The following PLA1A variants were observed in gnomAD, a reference collection of about 807,000 sequenced individuals.
The protein encoded by PLA1A is phospholipase A1 member A.
PLA1A carries 47 observed loss-of-function variants against 49.4 expected under a neutral mutation model. The ratio of observed to expected loss-of-function variants is 0.95; its 90% CI spans 0.75 to 1.21. PLA1A has a LOEUF of 1.21. Ranked by LOEUF, PLA1A falls within the 50% of genes most tolerant of loss-of-function variation. The pLI, the probability that PLA1A is intolerant of heterozygous loss-of-function variation, is 0.00. For synonymous variants in PLA1A, 224 were observed against 207.9 expected (o/e 1.08, Z -0.67); for missense variants, 561 against 563.9 (o/e 0.99, Z 0.05).
chr3:119,623,044 GT>G (rs2082967014), intron 8 of PLA1A, among the ~76,000 whole-genome samples: 2 of 152,170 alleles, frequency 1.3e-5, no homozygotes, highest in Non-Finnish European at 2.9e-5. Context: ...GGCCAGGCTG[GT>G]CTCGAACTCC....
rs759065787 is a variant in PLA1A, at chr3:119,606,848, A to G, written c.148A>G (p.Lys50Glu). 7 of 1,614,016 alleles carry G rather than the reference A, an allele frequency of 4.3e-6. No individual in the cohort carries two copies. The South Asian group carries it at 7.7e-5, about 18-fold the overall frequency. ...CAACCTTTTTGAAGGCACCGATCTC[A>G]AAGTCCAGTTTCTCCTCTTTGTCCC... ...SANLFEGTDL[K>E]VQFLLFVPSN... The change falls in exon 2 of 11, where the codon AAA becomes GAA. Residue 50 changes from lysine (K) to glutamate (E), a missense_variant. Physicochemically the swap from Lys to Glu is moderately conservative, Grantham distance 56. Transcript: ENST00000273371.
chr3:119,607,859 C>T (rs1406403247), intron 2 of PLA1A, among the ~76,000 whole-genome samples: 2 of 152,162 alleles, frequency 1.3e-5, no homozygotes, highest in Non-Finnish European at 2.9e-5. Context: ...CCCACAACCC[C>T]ATTCCCTGGC....
chr3:119,604,612 G>A (rs2082662214), intron 1 of PLA1A, among the ~76,000 whole-genome samples: 1 of 152,096 alleles, frequency 6.6e-6, no homozygotes, highest in Admixed American at 6.6e-5. Context: ...GCTGAGAAGG[G>A]GGAAGGAGTT....
At chr3:119,614,592 T>C (rs474926) in intron 5 of PLA1A, among the ~76,000 whole-genome samples, 37,270 of 132,884 alleles carry the variant, frequency 0.28, 6,433 homozygotes, top group African/African-American at 0.5. Context: ...GGTGACAGAG[T>C]GAGACTTCGT....
intron 5 of PLA1A, among the ~76,000 whole-genome samples, chr3:119,613,934 G>C (rs986825330): frequency 4.6e-5 from 7 of 151,948 alleles, no homozygotes; most frequent in Non-Finnish European, 1.5e-5. Flanking sequence ...ATAGTGACAG[G>C]CACAGGAAAG....
rs770755969 is a variant in PLA1A at position 119,606,749 on chromosome 3, C to CTTGTT, written c.74-12_74-8dup. On this transcript the variant is annotated intron_variant, in intron 1 of 10. Coordinates refer to ENST00000273371, the MANE Select transcript of PLA1A (RefSeq NM_015900.4). ...ACAGATGACCTCACCTTGGATGTTG[C>CTTGTT]TTGTTTTGTTTTGTTTTCCTCCAGG... 3.1e-6 allele frequency: 5 copies of CTTGTT among 1,594,294 alleles called. No homozygotes were observed. In the South Asian group the frequency reaches 3.3e-5, roughly 11 times the overall value.
At position 119,619,653 on chromosome 3, in the gene PLA1A, G is replaced by C. The variant is rs2082901650; in HGVS notation, c.1012+1G>C. ...ACTACTTCCAGTGCTCCGTACTGCA[G>C]TGAGTAGGGGGAAATGCATGAGCTC... On this transcript the variant is annotated splice_donor_variant, in intron 8 of 10. Coordinates refer to ENST00000273371, the MANE Select transcript of PLA1A (RefSeq NM_015900.4). LOFTEE classifies it high-confidence loss of function. The C allele has an allele frequency of 6.3e-7, 1 of 1,588,264 alleles. No homozygotes were observed. The highest frequency in any genetic ancestry group is 1.1e-5 in the South Asian group (1 of 90,602).
At position 119,618,168 on chromosome 3, in the gene PLA1A, C is replaced by T; in HGVS notation, c.904C>T (p.Leu302Phe). The change falls in exon 7 of 11, where the codon CTT becomes TTT. Residue 302 changes from leucine to phenylalanine, a missense_variant. Transcript: ENST00000273371. ...RCLDCFNPFL[L>F]SCPRIGLVEQ... ...TCTGGATTGCTTTAACCCTTTTCTG[C>T]TTTCCTGCCCAAGGATAGGTAAAGT... 6.2e-7 allele frequency: 1 copy of T among 1,613,248 alleles called. No homozygotes were observed. Among genetic ancestry groups the T allele is most frequent in the Non-Finnish European group, 8.5e-7 (1 of 1,179,558 alleles).
chr3:119,619,995 G>T, intron 8 of PLA1A: 1 of 463,248 alleles, frequency 2.2e-6, no homozygotes, highest in South Asian at 1.6e-5. Flanking sequence ...CACCCTATGT[G>T]GTTCTCACCC....
chr3:119,605,924 C>A (rs1416073705), intron 1 of PLA1A, among the ~76,000 whole-genome samples: 1 of 152,168 alleles, frequency 6.6e-6, no homozygotes. Flanking sequence ...TCTATCTAGG[C>A]TATGGGCTGG....
intron 8 of PLA1A, chr3:119,620,324 T>G: frequency 3.0e-6 from 1 of 330,434 alleles, no homozygotes; most frequent in Non-Finnish European, 6.0e-6. Flanking sequence ...GTATGCCGGC[T>G]TGGATGATAA....
At chr3:119,619,743 T>C (rs1408103198) in intron 8 of PLA1A, 91 bp downstream of exon 8, 1 of 903,964 alleles carries the variant, frequency 1.1e-6, no homozygotes, top group Non-Finnish European at 1.8e-6. Flanking sequence ...GAGTGAATGA[T>C]AAGAGCAAAG....
intron 10 of PLA1A, 150 bp downstream of exon 10, chr3:119,629,015 C>T: frequency 1.4e-6 from 1 of 705,654 alleles, no homozygotes; most frequent in Admixed American, 2.5e-5. Flanking sequence ...TTTTCCAGAA[C>T]CTCCTGTGGG....
intron 1 of PLA1A, 93 bp downstream of exon 1, chr3:119,598,079 CCT>C: frequency 1.3e-6 from 1 of 741,660 alleles, no homozygotes; most frequent in Non-Finnish European, 2.2e-6. Flanking sequence ...TGGAAGATCC[CCT>C]AAAAGCCTTT....
rs951383827 is a variant in PLA1A, at chr3:119,619,496, G to A, written c.923-67G>A. 43 of 1,000,938 alleles carry A rather than the reference G, an allele frequency of 4.3e-5. 1 individual carries two copies. In the Middle Eastern group the frequency reaches 1.6e-3, roughly 38 times the overall value. The allele number at this position is 1,000,938 out of a possible 1,614,324, so 62.0% of individuals were successfully genotyped here. On this transcript the variant is annotated intron_variant, in intron 7 of 10. Coordinates refer to ENST00000273371, the MANE Select transcript of PLA1A (RefSeq NM_015900.4). ...GGGTGCATGAATTAATAAACACGTG[G>A]CTGGGTGCTGTGGGACCCTAAGATA...
At chr3:119,617,297 G>A (rs186404097) in intron 6 of PLA1A, among the ~76,000 whole-genome samples, 1 of 152,298 alleles carries the variant, frequency 6.6e-6, no homozygotes, top group African/African-American at 2.4e-5. Flanking sequence ...TCTCACTGCT[G>A]GGTAGGGTAT....
At chr3:119,617,610 G>A (rs2082865931) in intron 6 of PLA1A, among the ~76,000 whole-genome samples, 1 of 151,934 alleles carries the variant, frequency 6.6e-6, no homozygotes, top group African/African-American at 2.4e-5. Flanking sequence ...AGGCATGGTG[G>A]TGTGCGCCTG....
At position 119,616,046 on chromosome 3, in the gene PLA1A, C is replaced by T. The variant is rs745452152; in HGVS notation, c.699C>T (p.Asp233=). 5.0e-6 allele frequency: 8 copies of T among 1,613,290 alleles called. No individual in the cohort carries two copies. The Admixed American group carries it at 1.2e-4, about 24-fold the overall frequency. Residue 233 remains aspartate (D), a synonymous_variant, in exon 6 of 11, where the codon GAC becomes GAT. Transcript: ENST00000273371. ...TTCGGATTCCCGTTGGACATGTGGA[C>T]TACTTCGTCAACGGAGGCCAAGACC... is the stretch of plus-strand genomic sequence containing the variant. The part of the protein sequence containing the change: ...LGIRIPVGHV[D]YFVNGGQDQP...
rs1187680990 is a variant in PLA1A at position 119,625,178 on chromosome 3, ACAT to A, written c.1069_1071del (p.Ile357del). 6.2e-7 allele frequency: 1 copy of A among 1,613,956 alleles called. No homozygotes were observed. Among genetic ancestry groups the A allele is most frequent in the Admixed American group, 1.7e-5 (1 of 60,022 alleles). On this transcript the variant is annotated inframe_deletion, in exon 9 of 11. Transcript: ENST00000273371. ...AAGGAACTGAGAAACAAGGACACCA[ACAT>A]CGAGGTTACCTTCCTTAGCAGTAAC...
Sources: allele counts gnomAD v4.1 joint callset (sites outside exome capture counted in the v4.1 genomes callset), GRCh38; gene constraint gnomAD v4.1.1; transcripts MANE v1.5; gene names NCBI Gene and HGNC (gene_info 2026-07-23, HGNC 2026-07-21).